Variants in REPS2 observed in about 807,000 individuals in gnomAD.
The protein encoded by REPS2 is RALBP1 associated Eps domain containing 2, also known as ralBP1-associated Eps domain-containing protein 2.
In REPS2, 23 loss-of-function variants were observed where a neutral mutation model predicts 53.6. That is an observed-to-expected ratio of 0.43 (90% CI 0.31 to 0.61). The LOEUF (loss-of-function observed/expected upper bound fraction) is 0.61. Among genes scored for constraint, REPS2 ranks in the 20% least tolerant of loss-of-function variants. The pLI, the probability that REPS2 is intolerant of heterozygous loss-of-function variation, is 0.11. For missense variants in REPS2, 446 were observed against 534.9 expected (o/e 0.83, Z 1.64); for synonymous variants, 238 against 218.6 (o/e 1.09, Z -0.78).
chrX:17,077,240 T>G, intron 12 of REPS2, 31 bp from the exon 13 acceptor site: 1 of 1,146,980 alleles, frequency 8.7e-7, no homozygotes, highest in South Asian at 2.1e-5. Flanking sequence ...CTTTGCTATT[T>G]CGCTTCTGAC....
chrX:16,979,512 C>T (rs1371840036), intron 1 of REPS2, among the ~76,000 whole-genome samples: 1 of 112,104 alleles, frequency 8.9e-6, no homozygotes, highest in Non-Finnish European at 1.9e-5. Context: ...CAGAAAAAGT[C>T]TAGGCAGTCA....
At chrX:17,154,991 T>C (rs1176085681), downstream of REPS2, among the ~76,000 whole-genome samples, 1 of 112,184 alleles carries the variant, frequency 8.9e-6, no homozygotes, top group African/African-American at 3.2e-5. Flanking sequence ...GAGAGCTGCA[T>C]GTGCTAAGGT....
At chrX:17,054,649 G>A (rs952341298) in intron 7 of REPS2, among the ~76,000 whole-genome samples, 159 bp from the exon 8 acceptor site, 3 of 111,592 alleles carry the variant, frequency 2.7e-5, no homozygotes, top group African/African-American at 6.5e-5. Context: ...TTTCTTCCTC[G>A]GAGTGGCCCC....
intron 2 of REPS2, among the ~76,000 whole-genome samples, chrX:17,015,458 C>T (rs188756609): frequency 8.9e-4 from 98 of 110,120 alleles, no homozygotes; most frequent in African/African-American, 2.7e-3. Flanking sequence ...ATGTGCACAA[C>T]GTGCAGGTTT....
At chrX:16,951,050 TA>T (rs1460600385) in intron 1 of REPS2, among the ~76,000 whole-genome samples, 1 of 111,770 alleles carries the variant, frequency 8.9e-6, no homozygotes, top group Non-Finnish European at 1.9e-5. Flanking sequence ...TGTATCAAAA[TA>T]AAGTAAAATA....
chrX:17,077,966 G>C (rs1275387483), intron 13 of REPS2, among the ~76,000 whole-genome samples: 1 of 112,381 alleles, frequency 8.9e-6, no homozygotes, highest in Non-Finnish European at 1.9e-5. Context: ...GGGCTTCTGG[G>C]GATGGGATGT....
At chrX:17,000,851 G>A (rs1041878652) in intron 1 of REPS2, among the ~76,000 whole-genome samples, 3 of 111,497 alleles carry the variant, frequency 2.7e-5, no homozygotes, top group Non-Finnish European at 5.6e-5. Flanking sequence ...ATGTTCATCT[G>A]TAAATACCAT....
intron 7 of REPS2, among the ~76,000 whole-genome samples, chrX:17,053,391 T>G (rs1001942346): frequency 2.7e-5 from 3 of 111,779 alleles, no homozygotes; most frequent in African/African-American, 6.5e-5. Flanking sequence ...TTGTTTGTTT[T>G]TTTGGAGATG....
At chrX:17,021,339 C>T (rs897281228) in intron 2 of REPS2, among the ~76,000 whole-genome samples, 6 of 112,318 alleles carry the variant, frequency 5.3e-5, no homozygotes, top group Admixed American at 9.4e-5. Flanking sequence ...TATACCAGAC[C>T]GTTGCTTTTC....
intron 4 of REPS2, among the ~76,000 whole-genome samples, chrX:17,028,477 C>T (rs1011354276): frequency 1.8e-5 from 2 of 112,140 alleles, no homozygotes; most frequent in African/African-American, 6.5e-5. Flanking sequence ...TCATTCTTAG[C>T]AGGTTCTGAA....
intron 7 of REPS2, among the ~76,000 whole-genome samples, chrX:17,053,331 G>GT (rs1240122474): frequency 9.0e-6 from 1 of 110,819 alleles, no homozygotes; most frequent in Non-Finnish European, 1.9e-5. Context: ...TAATTTTTTT[G>GT]TTTTTACAAG....
chrX:17,060,429 G>A (rs1188805286), intron 8 of REPS2, among the ~76,000 whole-genome samples: 3 of 112,174 alleles, frequency 2.7e-5, no homozygotes, highest in Admixed American at 9.5e-5. Flanking sequence ...CTTACTGCGT[G>A]AGAGGTACCA....
At chrX:17,033,554 T>A (rs1406942752) in intron 5 of REPS2, among the ~76,000 whole-genome samples, 3 of 111,843 alleles carry the variant, frequency 2.7e-5, no homozygotes, top group Non-Finnish European at 5.6e-5. Flanking sequence ...TGACTTCTCT[T>A]TCTCTCCTTA....
intron 5 of REPS2, 26 bp from the exon 6 acceptor site, chrX:17,047,321 A>G: frequency 8.3e-7 from 1 of 1,206,046 alleles, no homozygotes; most frequent in Non-Finnish European, 1.1e-6. Context: ...TTCTCTGAGC[A>G]TTTACTTTTT....
At position 17,030,981 on chromosome X, in the gene REPS2, A is replaced by G. The variant is rs187597678; in HGVS notation, c.771+1358A>G. On this transcript the variant is annotated intron_variant, in intron 5 of 17. Transcript: ENST00000357277. ...TTATTGATACCACACTGGAGAACCA[A>G]TATGCCATTTGCTCCCAGGGCCAGT... Among the ~76,000 whole-genome samples the G allele has an allele frequency of 3.6e-5, 4 of 112,592 alleles. No homozygotes were observed. In the East Asian group the frequency reaches 1.1e-3, roughly 31 times the overall value.
chrX:17,135,017 G>A (rs754386484), intron 15 of REPS2, among the ~76,000 whole-genome samples: 1 of 110,408 alleles, frequency 9.1e-6, no homozygotes, highest in Non-Finnish European at 1.9e-5. Context: ...CAGGGTCTGT[G>A]TGAGTTTCAG....
chrX:17,173,374 T>C, the REPS2 span, among the ~76,000 whole-genome samples: 1 of 112,469 alleles, frequency 8.9e-6, no homozygotes, highest in Non-Finnish European at 1.9e-5. Context: ...GAATGGAGGC[T>C]GCCCTTAGGT....
intron 1 of REPS2, among the ~76,000 whole-genome samples, chrX:16,954,323 C>A (rs1246683832): frequency 8.9e-6 from 1 of 111,781 alleles, no homozygotes; most frequent in Non-Finnish European, 1.9e-5. Context: ...ATGCATTAAA[C>A]CCTGCTGCAC....
intron 14 of REPS2, among the ~76,000 whole-genome samples, chrX:17,111,524 G>A (rs775579057): frequency 8.9e-6 from 1 of 112,402 alleles, no homozygotes; most frequent in Admixed American, 9.4e-5. Context: ...AGTGTATGCT[G>A]TAGATTAGCT....
Sources: gnomAD v4.1 joint callset for allele counts (sites outside exome capture counted in the v4.1 genomes callset) on GRCh38, gnomAD v4.1.1 for gene constraint, MANE v1.5 for transcripts, NCBI Gene and HGNC (gene_info 2026-07-23, HGNC 2026-07-21) for gene names.